Variants in MSI2 observed in about 807,000 individuals in gnomAD.
MSI2 encodes RNA-binding protein Musashi homolog 2.
Under a neutral mutation model 45.6 loss-of-function variants are expected in MSI2, and 17 were observed. The ratio of observed to expected loss-of-function variants is 0.37; its 90% CI spans 0.26 to 0.56. The LOEUF (loss-of-function observed/expected upper bound fraction) is 0.56. Ranked by LOEUF, MSI2 falls within the 20% of genes least tolerant of loss-of-function variation. The pLI is 0.77. For missense variants in MSI2, 293 were observed against 444.2 expected (o/e 0.66, Z 3.06); for synonymous variants, 156 against 158.2 (o/e 0.99, Z 0.11).
At chr17:57,528,497 A>G (rs2086751601) in intron 6 of MSI2, among the ~76,000 whole-genome samples, 1 of 152,200 alleles carries the variant, frequency 6.6e-6, no homozygotes, top group Non-Finnish European at 1.5e-5. Flanking sequence ...TGATGTTTTT[A>G]AAAAGGTCCT....
chr17:57,574,624 CAT>C (rs1041560035), intron 7 of MSI2, among the ~76,000 whole-genome samples: 1 of 152,166 alleles, frequency 6.6e-6, no homozygotes, highest in Non-Finnish European at 1.5e-5. Context: ...CTGGATGTGT[CAT>C]ATGGGGCACA....
At chr17:57,432,066 C>T (rs1453977856) in intron 6 of MSI2, among the ~76,000 whole-genome samples, 1 of 152,148 alleles carries the variant, frequency 6.6e-6, no homozygotes, top group East Asian at 1.9e-4. Context: ...CTATTAATCA[C>T]GCCGAGTTGT....
At chr17:57,648,544 C>T (rs56044323) in intron 10 of MSI2, among the ~76,000 whole-genome samples, 2,006 of 152,286 alleles carry the variant, frequency 0.013, 20 homozygotes, top group Middle Eastern at 0.031. Flanking sequence ...GAGGAGGAGT[C>T]TGGTGGCCCC....
intron 6 of MSI2, among the ~76,000 whole-genome samples, chr17:57,405,591 T>C (rs1260357745): frequency 1.3e-5 from 2 of 152,238 alleles, no homozygotes; most frequent in East Asian, 3.8e-4. Flanking sequence ...TGTTAGAGTT[T>C]ATTTTGGGAC....
At chr17:57,665,884 A>G (rs1331900774) in intron 11 of MSI2, among the ~76,000 whole-genome samples, 1 of 152,166 alleles carries the variant, frequency 6.6e-6, no homozygotes, top group Non-Finnish European at 1.5e-5. Flanking sequence ...CCCCACCAGT[A>G]CTGCAAGTCT....
chr17:57,481,916 A>G (rs564666539), intron 6 of MSI2, among the ~76,000 whole-genome samples: 16 of 152,350 alleles, frequency 1.1e-4, no homozygotes, highest in African/African-American at 3.8e-4. Context: ...AAATTGCAAG[A>G]CAGCTTCTTA....
At chr17:57,336,788 C>T (rs539587379) in intron 5 of MSI2, among the ~76,000 whole-genome samples, 1 of 152,184 alleles carries the variant, frequency 6.6e-6, no homozygotes, top group South Asian at 2.1e-4. Flanking sequence ...TTGCCTACTG[C>T]CGCGTAACAA....
At chr17:57,341,716 T>C (rs1915179858) in intron 5 of MSI2, among the ~76,000 whole-genome samples, 1 of 152,252 alleles carries the variant, frequency 6.6e-6, no homozygotes, top group Non-Finnish European at 1.5e-5. Context: ...CTTTTCTTGC[T>C]TTATTTTTTT....
At chr17:57,485,233 C>T (rs1392348462) in intron 6 of MSI2, among the ~76,000 whole-genome samples, 1 of 152,196 alleles carries the variant, frequency 6.6e-6, no homozygotes, top group Non-Finnish European at 1.5e-5. Context: ...AAGCCACAGG[C>T]CACACTGTTG....
At chr17:57,295,186 G>T (rs1910813652) in intron 5 of MSI2, among the ~76,000 whole-genome samples, 1 of 152,294 alleles carries the variant, frequency 6.6e-6, no homozygotes, top group Non-Finnish European at 1.5e-5. Context: ...GTGTCTTTCT[G>T]TGCAGCGCTG....
In MSI2 at chr17:57,634,919, TAAG is replaced by T. The variant is rs566711157; in HGVS notation, c.727+7617_727+7619del. On this transcript the variant is annotated intron_variant, in intron 10 of 13. Coordinates refer to ENST00000284073, the MANE Select transcript of MSI2 (RefSeq NM_138962.4). ...CTCTTCCCTTTAGTAATGCTTCCTA[TAAG>T]TCATGCAGGACATTTTGCTTAGATC... Among the ~76,000 whole-genome samples, 59 of 152,350 alleles carry T rather than the reference TAAG, an allele frequency of 3.9e-4. No homozygotes were observed. In the East Asian group the frequency reaches 9.8e-3, roughly 25 times the overall value.
At chr17:57,448,996 A>C (rs117522430) in intron 6 of MSI2, 4 of 152,200 alleles carry the variant, frequency 2.6e-5, no homozygotes, top group African/African-American at 7.2e-5. Flanking sequence ...TCAAATGTTT[A>C]ATATTCTTTG....
At chr17:57,320,906 G>T (rs1272886230) in intron 5 of MSI2, among the ~76,000 whole-genome samples, 1 of 152,060 alleles carries the variant, frequency 6.6e-6, no homozygotes. Flanking sequence ...GAGAGTGGAC[G>T]TCTTGTCCTC....
chr17:57,492,207 G>A (rs1317148106), intron 6 of MSI2, among the ~76,000 whole-genome samples: 2 of 152,150 alleles, frequency 1.3e-5, no homozygotes, highest in Non-Finnish European at 2.9e-5. Flanking sequence ...CTCAGTAATC[G>A]CCATGAAAAA....
intron 5 of MSI2, chr17:57,279,910 G>T (rs1177272876): frequency 6.6e-6 from 1 of 152,088 alleles, no homozygotes; most frequent in Non-Finnish European, 1.5e-5. Context: ...GCCTCCCAAA[G>T]TATTGGGACT....
At chr17:57,503,281 ATTACT>A (rs1472939196) in intron 6 of MSI2, among the ~76,000 whole-genome samples, 3 of 152,390 alleles carry the variant, frequency 2.0e-5, no homozygotes, top group Admixed American at 6.5e-5. Context: ...GAGTTGGCAA[ATTACT>A]TTAATAAGTG....
chr17:57,475,374 G>A (rs1046654484), intron 6 of MSI2, among the ~76,000 whole-genome samples: 2 of 152,140 alleles, frequency 1.3e-5, no homozygotes, highest in South Asian at 2.1e-4. Context: ...GGACACATGC[G>A]TGCACACAAG....
At chr17:57,616,148 A>G in intron 9 of MSI2, 64 bp downstream of exon 9, 2 of 1,300,886 alleles carry the variant, frequency 1.5e-6, no homozygotes, top group Non-Finnish European at 2.2e-6. Context: ...TCTACTCCCA[A>G]CTGGGTCACC....
At chr17:57,348,522 C>T (rs1915785749) in intron 5 of MSI2, among the ~76,000 whole-genome samples, 1 of 152,184 alleles carries the variant, frequency 6.6e-6, no homozygotes, top group African/African-American at 2.4e-5. Context: ...AGTTCTCACT[C>T]TATGAGTTCT....
Sources: gnomAD v4.1 joint callset for allele counts (sites outside exome capture counted in the v4.1 genomes callset) on GRCh38, gnomAD v4.1.1 for gene constraint, MANE v1.5 for transcripts, NCBI Gene and HGNC (gene_info 2026-07-23, HGNC 2026-07-21) for gene names.